Variants in COL22A1 observed in about 807,000 individuals in gnomAD.
COL22A1 encodes collagen alpha-1(XXII) chain.
COL22A1 carries 221 observed loss-of-function variants against 248.9 expected under a neutral mutation model. The observed-to-expected ratio is 0.89, with a 90% CI of 0.80 to 0.99. The LOEUF (loss-of-function observed/expected upper bound fraction) is 0.99, where lower values mean the gene tolerates loss of function less well. Ranked by LOEUF, COL22A1 falls within the 50% of genes least tolerant of loss-of-function variation. COL22A1 has a pLI of 0.00. For synonymous variants in COL22A1, 891 were observed against 793.4 expected (o/e 1.12, Z -2.07); for missense variants, 2,240 against 2,179.0 (o/e 1.03, Z -0.56).
intron 16 of COL22A1, among the ~76,000 whole-genome samples, chr8:138,775,429 C>T (rs1814343752): frequency 6.6e-6 from 1 of 152,214 alleles, no homozygotes; most frequent in Admixed American, 6.5e-5. Context: ...CCTAGGCCTC[C>T]TCAGACATGT....
At chr8:138,592,052 G>A (rs1321370641) in intron 63 of COL22A1, among the ~76,000 whole-genome samples, 1 of 152,176 alleles carries the variant, frequency 6.6e-6, no homozygotes, top group Non-Finnish European at 1.5e-5. Context: ...GTGGGCATGT[G>A]CAGTGATAAG....
At chr8:138,590,981 G>C (rs1816988133) in intron 64 of COL22A1, among the ~76,000 whole-genome samples, 1 of 152,184 alleles carries the variant, frequency 6.6e-6, no homozygotes, top group South Asian at 2.1e-4. Context: ...CAACTGTATA[G>C]TGAAAGAAAA....
chr8:138,903,403 T>G (rs1433963938), intron 1 of COL22A1, among the ~76,000 whole-genome samples: 1 of 152,206 alleles, frequency 6.6e-6, no homozygotes, highest in Non-Finnish European at 1.5e-5. Context: ...GGTTTGAGTT[T>G]TATGCTTGGG....
At chr8:138,913,524 C>T (rs982084636) in intron 1 of COL22A1, 95 bp downstream of exon 1, 3 of 152,504 alleles carry the variant, frequency 2.0e-5, no homozygotes, top group African/African-American at 7.2e-5. Context: ...CATCCACCCC[C>T]CGCCTCTCGT....
intron 4 of COL22A1, among the ~76,000 whole-genome samples, chr8:138,838,709 G>C (rs1470012174): frequency 6.6e-6 from 1 of 150,816 alleles, no homozygotes; most frequent in Non-Finnish European, 1.5e-5. Context: ...ATAAATAAGG[G>C]CTGGGAAGGA....
Position 138,685,242 on chromosome 8 carries a change from G to C in COL22A1, c.2933C>G (p.Pro978Arg). ...ATCCTTCCCTTTTCCGGGTGGCCCAGGGAGCCCAGGAGCACCAGGATCTCC... is the reference window on the plus strand; with the variant it reads ...ATCCTTCCCTTTTCCGGGTGGCCCACGGAGCCCAGGAGCACCAGGATCTCC... ...PRGDPGAPGL[P>R]GPPGKGKDGE... The change falls in exon 38 of 65, where the codon CCT (proline) becomes CGT (arginine). Residue 978 changes from proline to arginine, a missense_variant. By Grantham distance (103) the Pro-to-Arg change is moderately radical (BLOSUM62 -2). Coordinates refer to ENST00000303045, the MANE Select transcript of COL22A1 (RefSeq NM_152888.3). 1 of 1,613,682 alleles carries C rather than the reference G, an allele frequency of 6.2e-7. No individual in the cohort carries two copies. Among genetic ancestry groups the C allele is most frequent in the African/African-American group, 1.3e-5 (1 of 75,000 alleles).
intron 44 of COL22A1, among the ~76,000 whole-genome samples, chr8:138,656,799 T>C (rs10111440): frequency 0.022 from 3,369 of 152,238 alleles, 103 homozygotes; most frequent in African/African-American, 0.074. Context: ...AGAGGCAAGG[T>C]GGTAGACTTA....
At chr8:138,906,832 T>C (rs951946784) in intron 1 of COL22A1, among the ~76,000 whole-genome samples, 2 of 152,130 alleles carry the variant, frequency 1.3e-5, no homozygotes, top group Admixed American at 1.3e-4. Context: ...TTTGTATTTT[T>C]AGTAGAGACA....
At chr8:138,801,008 G>A (rs1816954864) in intron 11 of COL22A1, among the ~76,000 whole-genome samples, 1 of 152,232 alleles carries the variant, frequency 6.6e-6, no homozygotes. Context: ...GCTGATGTGA[G>A]AGTTAAGTGA....
chr8:138,854,438 G>A (rs952995680), intron 3 of COL22A1, among the ~76,000 whole-genome samples: 80 of 152,268 alleles, frequency 5.3e-4, no homozygotes, highest in East Asian at 3.9e-4. Context: ...AACACACTGA[G>A]GCTCAAAGAG....
rs1816819711 is a variant in COL22A1, at chr8:138,589,121, A to G, written c.*132T>C. 1 of 853,730 alleles carries G rather than the reference A, an allele frequency of 1.2e-6. No homozygotes were observed. The highest frequency in any genetic ancestry group is 1.8e-5 in the African/African-American group (1 of 56,240). The allele number at this position is 853,730 out of a possible 1,614,324, so 52.9% of individuals were successfully genotyped here. A position where few individuals can be genotyped will look rare whatever the true frequency, so the allele number is the denominator to read the frequency against. ...TGAGGTCTCTCAAGAAAATAAAACA[A>G]AAAGCAAACGATAAAAGAAAGAAAA... On this transcript the variant is annotated 3_prime_UTR_variant, in exon 65 of 65. Coordinates refer to ENST00000303045, the MANE Select transcript of COL22A1 (RefSeq NM_152888.3).
chr8:138,805,061 G>A (rs999475695), intron 10 of COL22A1, among the ~76,000 whole-genome samples: 1 of 118,316 alleles, frequency 8.5e-6, no homozygotes, highest in Non-Finnish European at 1.6e-5. Context: ...AATGGTGTGT[G>A]ATGGTGTGTG....
intron 36 of COL22A1, among the ~76,000 whole-genome samples, chr8:138,690,014 G>A (rs1338987396): frequency 6.6e-6 from 1 of 152,208 alleles, no homozygotes; most frequent in Non-Finnish European, 1.5e-5. Context: ...CAGGGTTGCT[G>A]TGTGGATTAA....
intron 1 of COL22A1, among the ~76,000 whole-genome samples, chr8:138,895,009 T>C (rs1825303073): frequency 6.7e-6 from 1 of 149,416 alleles, no homozygotes. Context: ...CAGTGAGCTA[T>C]GATCACACCA....
At chr8:138,779,085 A>C (rs1814729902) in intron 14 of COL22A1, among the ~76,000 whole-genome samples, 1 of 152,268 alleles carries the variant, frequency 6.6e-6, no homozygotes, top group Non-Finnish European at 1.5e-5. Context: ...TCAGTGCTTC[A>C]TTAATTTTAG....
intron 49 of COL22A1, among the ~76,000 whole-genome samples, chr8:138,634,036 G>A (rs1820942381): frequency 6.6e-6 from 1 of 152,094 alleles, no homozygotes; most frequent in African/African-American, 2.4e-5. Context: ...ACCTTTTTGT[G>A]AGTTTGCTCT....
At chr8:138,861,396 A>T (rs1822442854) in intron 3 of COL22A1, among the ~76,000 whole-genome samples, 1 of 152,176 alleles carries the variant, frequency 6.6e-6, no homozygotes, top group Non-Finnish European at 1.5e-5. Flanking sequence ...AACACAAAAG[A>T]GCTGGCAAGT....
chr8:138,860,025 A>G (rs1822332916), intron 3 of COL22A1, among the ~76,000 whole-genome samples: 1 of 152,100 alleles, frequency 6.6e-6, no homozygotes, highest in African/African-American at 2.4e-5. Flanking sequence ...GGGCTGTCTG[A>G]TCAGTTATCT....
intron 12 of COL22A1, among the ~76,000 whole-genome samples, chr8:138,782,113 G>C (rs1033705617): frequency 3.9e-5 from 6 of 152,180 alleles, no homozygotes; most frequent in Non-Finnish European, 8.8e-5. Flanking sequence ...TCAACATTCT[G>C]TCTGACATAA....
Sources: allele counts gnomAD v4.1 joint callset (sites outside exome capture counted in the v4.1 genomes callset), GRCh38; gene constraint gnomAD v4.1.1; transcripts MANE v1.5; gene names NCBI Gene and HGNC (gene_info 2026-07-23, HGNC 2026-07-21).